The following PPA2 variants were observed in gnomAD, a reference collection of about 807,000 sequenced individuals.
PPA2 encodes the protein inorganic pyrophosphatase 2, also known as inorganic pyrophosphatase 2, mitochondrial.
In PPA2, 48 loss-of-function variants were observed where a neutral mutation model predicts 49.5. That is an observed-to-expected ratio of 0.97 (90% CI 0.77 to 1.23). The LOEUF (loss-of-function observed/expected upper bound fraction) is 1.23. Among genes scored for constraint, PPA2 ranks in the 50% most tolerant of loss-of-function variants. The probability of loss-of-function intolerance (pLI) is 0.00; values close to 1 mark genes in which losing one functional copy is unlikely to be tolerated. For missense variants in PPA2, 429 were observed against 410.1 expected (o/e 1.05, Z -0.40); for synonymous variants, 131 against 139.9 (o/e 0.94, Z 0.45).
At chr4:105,462,863 G>A (rs148421590) in intron 1 of PPA2, among the ~76,000 whole-genome samples, 18 of 152,294 alleles carry the variant, frequency 1.2e-4, no homozygotes, top group African/African-American at 3.8e-4. Context: ...CATATGAGAC[G>A]TGCCTTTCAC....
intron 3 of PPA2, among the ~76,000 whole-genome samples, chr4:105,451,291 A>G (rs1331179695): frequency 6.6e-6 from 1 of 152,236 alleles, no homozygotes; most frequent in African/African-American, 2.4e-5. Flanking sequence ...TATTTACACA[A>G]TTAAATGTAG....
At chr4:105,443,591 T>TCACACACACACACA (rs56765056) in intron 5 of PPA2, among the ~76,000 whole-genome samples, 1 of 145,412 alleles carries the variant, frequency 6.9e-6, no homozygotes. Flanking sequence ...TATGGTGTAT[T>TCACACACACACACA]CACACACACA....
chr4:105,416,502 A>G (rs957211085), intron 7 of PPA2, among the ~76,000 whole-genome samples: 3 of 152,228 alleles, frequency 2.0e-5, no homozygotes, highest in Non-Finnish European at 4.4e-5. Flanking sequence ...TCATCCCAGT[A>G]CTATAAATGT....
intron 9 of PPA2, among the ~76,000 whole-genome samples, chr4:105,392,261 A>AAAC (rs1319277052): frequency 6.6e-6 from 1 of 152,174 alleles, no homozygotes; most frequent in South Asian, 2.1e-4. Flanking sequence ...AAAAAAGAAT[A>AAAC]AACAACAACA....
rs1195734049 is a variant in PPA2 at position 105,396,315 on chromosome 4, A to G, written c.803T>C (p.Ile268Thr). 1.3e-6 allele frequency: 2 copies of G among 1,598,286 alleles called. No individual in the cohort carries two copies. Among genetic ancestry groups the G allele is most frequent in the Non-Finnish European group, 1.7e-6 (2 of 1,173,054 alleles). ...FKNKAFALEV[I>T]KSTHQCWKAL... ...TTTCCAACATTGATGAGTGGATTTA[A>G]TAACTTCAAGAGCAAAAGCCTAGCT... Residue 268 changes from isoleucine to threonine, a missense_variant, in exon 9 of 12, where the codon ATT (isoleucine) becomes ACT (threonine). Ile to Thr is a moderately conservative substitution (Grantham distance 89). Coordinates refer to ENST00000341695, the MANE Select transcript of PPA2 (RefSeq NM_176869.3).
At chr4:105,377,713 T>G (rs1483366596) in intron 10 of PPA2, among the ~76,000 whole-genome samples, 1 of 152,182 alleles carries the variant, frequency 6.6e-6, no homozygotes, top group Non-Finnish European at 1.5e-5. Flanking sequence ...TGTAAAATCC[T>G]CCTTCCTGGC....
chr4:105,405,327 C>A, intron 7 of PPA2: 1 of 762,686 alleles, frequency 1.3e-6, no homozygotes, highest in Non-Finnish European at 1.6e-6. Context: ...TTGCTATACA[C>A]ATATAGTTTT....
At chr4:105,395,795 G>C (rs148998236) in intron 9 of PPA2, among the ~76,000 whole-genome samples, 2,929 of 152,170 alleles carry the variant, frequency 0.019, 75 homozygotes, top group African/African-American at 0.063. Context: ...AAGGGGCTCA[G>C]CCCTATATCC....
intron 6 of PPA2, among the ~76,000 whole-genome samples, chr4:105,428,702 G>A (rs1723648336): frequency 6.6e-6 from 1 of 152,070 alleles, no homozygotes; most frequent in Non-Finnish European, 1.5e-5. Flanking sequence ...ATAGCATTAG[G>A]AGAAATACCT....
intron 9 of PPA2, among the ~76,000 whole-genome samples, chr4:105,392,853 G>A (rs907858327): frequency 2.0e-5 from 3 of 152,122 alleles, no homozygotes; most frequent in Non-Finnish European, 4.4e-5. Flanking sequence ...CATTAACCAA[G>A]TATTTAGTAA....
intron 10 of PPA2, among the ~76,000 whole-genome samples, chr4:105,373,128 G>A (rs1457036637): frequency 1.3e-5 from 2 of 152,104 alleles, no homozygotes; most frequent in East Asian, 1.9e-4. Flanking sequence ...CATGAGCACC[G>A]TGCCTGGCCT....
At chr4:105,435,228 G>A (rs376223316) in intron 6 of PPA2, among the ~76,000 whole-genome samples, 6 of 152,062 alleles carry the variant, frequency 3.9e-5, no homozygotes, top group East Asian at 3.8e-4. Context: ...ACCCCTAACC[G>A]AGAACTATTT....
At chr4:105,453,726 G>T in intron 2 of PPA2, 84 bp from the exon 3 acceptor site, 1 of 1,042,096 alleles carries the variant, frequency 9.6e-7, no homozygotes, top group Non-Finnish European at 1.4e-6. Context: ...TATGACTATT[G>T]TATAGACATT....
At chr4:105,426,170 A>T (rs569243256) in intron 6 of PPA2, among the ~76,000 whole-genome samples, 13 of 152,270 alleles carry the variant, frequency 8.5e-5, no homozygotes, top group African/African-American at 3.1e-4. Context: ...TATATACATA[A>T]TGACTTAAAG....
In PPA2 at chr4:105,458,457, A is replaced by C. The variant is rs530492123; in HGVS notation, c.158-1712T>G. On this transcript the variant is annotated intron_variant, in intron 1 of 11. Coordinates refer to ENST00000341695, the MANE Select transcript of PPA2 (RefSeq NM_176869.3). ...CTGTACTAACTTTGCAGCTTAACCC[A>C]ATCTAAAATTATTCCAAAATGAAGT... Among the ~76,000 whole-genome samples, 15 of 152,310 alleles carry C rather than the reference A, an allele frequency of 9.8e-5. No homozygotes were observed. In the South Asian group the frequency reaches 3.1e-3, roughly 32 times the overall value.
chr4:105,397,623 C>T (rs1734202235), intron 8 of PPA2, among the ~76,000 whole-genome samples: 2 of 152,044 alleles, frequency 1.3e-5, no homozygotes, highest in South Asian at 4.1e-4. Flanking sequence ...GGAAGTGAGG[C>T]CTAATGGGAG....
chr4:105,380,348 T>C (rs1479217491), intron 10 of PPA2, among the ~76,000 whole-genome samples: 1 of 152,182 alleles, frequency 6.6e-6, no homozygotes, highest in Non-Finnish European at 1.5e-5. Flanking sequence ...ATATTACTTG[T>C]TTTGTGCCTT....
intron 9 of PPA2, among the ~76,000 whole-genome samples, chr4:105,390,307 T>TAAGTGGG (rs201639177): frequency 0.033 from 5,011 of 152,126 alleles, 273 homozygotes; most frequent in African/African-American, 0.11. Context: ...CCAAAATTGG[T>TAAGTGGG]AAGTGGGATC....
At chr4:105,390,615 G>A (rs1018584139) in intron 9 of PPA2, among the ~76,000 whole-genome samples, 2 of 151,888 alleles carry the variant, frequency 1.3e-5, no homozygotes, top group African/African-American at 4.8e-5. Flanking sequence ...ATACCATCTT[G>A]AGCCATGAAT....
Sources: gnomAD v4.1 joint callset for allele counts (sites outside exome capture counted in the v4.1 genomes callset) on GRCh38, gnomAD v4.1.1 for gene constraint, MANE v1.5 for transcripts, NCBI Gene and HGNC (gene_info 2026-07-23, HGNC 2026-07-21) for gene names.